CALCR: variants seen among roughly 807,000 people sequenced by gnomAD.
The protein encoded by CALCR is calcitonin receptor.
In CALCR, 47 loss-of-function variants were observed where a neutral mutation model predicts 59.5. The observed-to-expected ratio is 0.79, with a 90% CI of 0.63 to 1.01. The LOEUF is 1.01. CALCR is among the 50% of genes least tolerant of loss of function. The pLI, the probability that CALCR is intolerant of heterozygous loss-of-function variation, is 0.00. For missense variants in CALCR, 566 were observed against 597.1 expected (o/e 0.95, Z 0.54); for synonymous variants, 213 against 211.3 (o/e 1.01, Z -0.07).
intron 13 of CALCR, among the ~76,000 whole-genome samples, chr7:93,430,656 G>A (rs545887998): frequency 1.3e-5 from 2 of 152,316 alleles, no homozygotes; most frequent in Middle Eastern, 3.4e-3. Context: ...TGAAGAACAA[G>A]TGTGATTGTG....
At chr7:93,481,080 A>G (rs958675268) in intron 3 of CALCR, among the ~76,000 whole-genome samples, 1 of 151,920 alleles carries the variant, frequency 6.6e-6, no homozygotes, top group African/African-American at 2.4e-5. Context: ...GAAACGTAAA[A>G]TAAGAAGAGC....
chr7:93,499,838 T>C (rs1275374533), intron 2 of CALCR, among the ~76,000 whole-genome samples: 1 of 151,892 alleles, frequency 6.6e-6, no homozygotes, highest in Non-Finnish European at 1.5e-5. Flanking sequence ...TTTTAAAATA[T>C]TTATGTAGAA....
At chr7:93,467,856 A>G (rs1800472705) in intron 7 of CALCR, among the ~76,000 whole-genome samples, 1 of 151,728 alleles carries the variant, frequency 6.6e-6, no homozygotes, top group African/African-American at 2.4e-5. Context: ...TATGTGTCAG[A>G]CATGAATCCA....
At chr7:93,574,649 C>G (rs1271537194) in intron 1 of CALCR, 43 bp downstream of exon 1, 1 of 152,410 alleles carries the variant, frequency 6.6e-6, no homozygotes, top group Non-Finnish European at 1.5e-5. Context: ...ACTGTTCTTT[C>G]CCCTGGCTTG....
chr7:93,478,735 G>T (rs1458366566), intron 4 of CALCR, among the ~76,000 whole-genome samples: 1 of 151,560 alleles, frequency 6.6e-6, no homozygotes, highest in Non-Finnish European at 1.5e-5. Context: ...GTTGCAATGA[G>T]CTTGCCCATC....
intron 2 of CALCR, among the ~76,000 whole-genome samples, chr7:93,544,796 G>T: frequency 6.6e-6 from 1 of 152,114 alleles, no homozygotes; most frequent in East Asian, 1.9e-4. Context: ...AGGAGCTTAT[G>T]GCAAATCTTC....
At position 93,510,063 on chromosome 7, in the gene CALCR, T is replaced by G. The variant is rs558667312; in HGVS notation, c.-26-23056A>C. On this transcript the variant is annotated intron_variant, in intron 2 of 13. Coordinates refer to ENST00000426151, the MANE Select transcript of CALCR (RefSeq NM_001742.4). ...GAATAAACGACTCTTACTAAAGACT[T>G]TTGAGATTTTTTTTCTTTGTATAAA... Among the ~76,000 whole-genome samples the G allele has an allele frequency of 5.3e-5, 8 of 152,264 alleles. No individual in the cohort carries two copies. The South Asian group carries it at 1.7e-3, about 32-fold the overall frequency.
At chr7:93,477,976 A>ATAAAAT (rs1396444178) in intron 4 of CALCR, among the ~76,000 whole-genome samples, 5 of 149,016 alleles carry the variant, frequency 3.4e-5, no homozygotes, top group African/African-American at 1.2e-4. Context: ...AAAAAAAAAA[A>ATAAAAT]AAAAAAAAAA....
chr7:93,483,462 C>G (rs13309206), intron 3 of CALCR, among the ~76,000 whole-genome samples: 1 of 138,920 alleles, frequency 7.2e-6, no homozygotes, highest in Admixed American at 7.0e-5. Context: ...GATAGACAGA[C>G]AGATAGATAG....
intron 5 of CALCR, 45 bp downstream of exon 5, chr7:93,477,513 T>TA: frequency 1.5e-6 from 2 of 1,351,144 alleles, no homozygotes; most frequent in South Asian, 2.4e-5. Context: ...ATGAAAACTC[T>TA]AAAAGCTTCA....
chr7:93,452,926 G>C (rs967682056), intron 8 of CALCR, among the ~76,000 whole-genome samples: 27 of 151,982 alleles, frequency 1.8e-4, no homozygotes, highest in African/African-American at 6.0e-4. Context: ...GGTATAGTGA[G>C]AGTCTTATAT....
In CALCR at chr7:93,569,176, C is replaced by CT. The variant is rs553129697; in HGVS notation, c.-27+5112dup. On this transcript the variant is annotated intron_variant, in intron 2 of 13. Transcript: ENST00000426151. ...TGTGTCCAGTTAATCTGTATCCATC[C>CT]TTTTTTTCAATCTAATATGCCTCTT... Among the ~76,000 whole-genome samples the CT allele has an allele frequency of 2.3e-3, 356 of 152,050 alleles. 2 individuals are homozygous for CT. The highest frequency in any genetic ancestry group is 3.4e-3 in the Middle Eastern group (1 of 294).
rs1416274851 is a variant in CALCR at position 93,477,667 on chromosome 7, A to T, written c.207T>A (p.Gly69=). 1 of 1,594,412 alleles carries T rather than the reference A, an allele frequency of 6.3e-7. No homozygotes were observed. The highest frequency in any genetic ancestry group is 8.6e-7 in the Non-Finnish European group (1 of 1,163,490). Residue 69 remains glycine, a splice_region_variant and synonymous_variant, in exon 5 of 14, where the codon GGT becomes GGA. Transcript: ENST00000426151. ...CATCCCAGGTGCGATTGCAATATGGACCTGGCCATTTAGAAGGAAATTGAT... is the reference window on the plus strand; with the variant it reads ...CATCCCAGGTGCGATTGCAATATGGTCCTGGCCATTTAGAAGGAAATTGAT... ...MQQLPAYQGE[G]PYCNRTWDGW...
chr7:93,494,998 G>T (rs959536650), intron 2 of CALCR, among the ~76,000 whole-genome samples: 6 of 151,408 alleles, frequency 4.0e-5, no homozygotes, highest in African/African-American at 1.5e-4. Context: ...GGAATCTAGA[G>T]ACTGATTAGT....
intron 2 of CALCR, among the ~76,000 whole-genome samples, chr7:93,488,869 A>C (rs1008402639): frequency 6.6e-6 from 1 of 151,868 alleles, no homozygotes; most frequent in African/African-American, 2.4e-5. Flanking sequence ...ACAGAAAATT[A>C]GCAAGGATAT....
At chr7:93,489,938 C>T (rs2214215) in intron 2 of CALCR, among the ~76,000 whole-genome samples, 61,095 of 151,708 alleles carry the variant, frequency 0.4, 13,001 homozygotes, top group South Asian at 0.49. Flanking sequence ...ATACCAAATC[C>T]GGGCAGAGAC....
At chr7:93,469,570 GTC>G (rs572763198) in intron 6 of CALCR, among the ~76,000 whole-genome samples, 1 of 150,198 alleles carries the variant, frequency 6.7e-6, no homozygotes, top group Non-Finnish European at 1.5e-5. Context: ...TGTGTTTCTG[GTC>G]TCTCTCTCTC....
rs367798465 is a variant in CALCR at position 93,554,137 on chromosome 7, C to T, written c.-27+20152G>A. ...TTTTTGCTTTAGTGTGACATTTTCA[C>T]GTGGATTTGTCAAATTACCACAAGA... On this transcript the variant is annotated intron_variant, in intron 2 of 13. Coordinates refer to ENST00000426151, the MANE Select transcript of CALCR (RefSeq NM_001742.4). 6.6e-5 allele frequency among the ~76,000 whole-genome samples: 10 copies of T among 152,254 alleles called. 1 individual carries two copies. In the South Asian group the frequency reaches 8.3e-4, roughly 13 times the overall value.
intron 13 of CALCR, among the ~76,000 whole-genome samples, chr7:93,428,786 CAAA>C (rs562182322): frequency 4.3e-4 from 36 of 83,932 alleles, no homozygotes; most frequent in East Asian, 3.1e-3. Flanking sequence ...GACTCCGTCT[CAAA>C]AAAAAAAAAA....
Sources: gnomAD v4.1 joint callset for allele counts (sites outside exome capture counted in the v4.1 genomes callset) on GRCh38, gnomAD v4.1.1 for gene constraint, MANE v1.5 for transcripts, NCBI Gene and HGNC (gene_info 2026-07-23, HGNC 2026-07-21) for gene names.